Variants in ACAP1 observed in about 807,000 individuals in gnomAD.
The protein encoded by ACAP1 is ArfGAP with coiled-coil, ankyrin repeat and PH domains 1, also known as arf-GAP with coiled-coil, ANK repeat and PH domain-containing protein 1.
A neutral mutation model predicts 98.8 loss-of-function variants in ACAP1; 45 were observed. That is an observed-to-expected ratio of 0.46 (90% CI 0.36 to 0.58). ACAP1 has a LOEUF of 0.58. Among genes scored for constraint, ACAP1 ranks in the 20% least tolerant of loss-of-function variants. The pLI is 0.00. For missense variants in ACAP1, 735 were observed against 971.4 expected (o/e 0.76, Z 3.24); for synonymous variants, 362 against 375.3 (o/e 0.96, Z 0.41).
Position 7,343,912 on chromosome 17 carries a change from G to A in ACAP1, c.625G>A (p.Glu209Lys). The A allele has an allele frequency of 1.2e-6, 2 of 1,609,490 alleles. No individual in the cohort carries two copies. Among genetic ancestry groups the A allele is most frequent in the Non-Finnish European group, 1.7e-6 (2 of 1,177,724 alleles). Reference sequence around the variant, plus strand: ...TACCCATTTCCAGCAGGGCCATGAGGAGCTGAGCCGGCTGTCCCAGTATCG... The same window carrying A: ...TACCCATTTCCAGCAGGGCCATGAGAAGCTGAGCCGGCTGTCCCAGTATCG... ...QATHFQQGHE[E>K]LSRLSQYRKE... Residue 209 changes from glutamate (E) to lysine (K), a missense_variant, in exon 8 of 22, where the codon GAG becomes AAG. Physicochemically the swap from Glu to Lys is moderately conservative, Grantham distance 56. Coordinates refer to ENST00000158762, the MANE Select transcript of ACAP1 (RefSeq NM_014716.4). The surrounding 1 kb of genome is among the most constrained non-coding windows in gnomAD (Gnocchi z 4.9).
At chr17:7,342,093 G>T (rs1224828294) in intron 3 of ACAP1, 26 bp downstream of exon 3, 1 of 1,612,818 alleles carries the variant, frequency 6.2e-7, no homozygotes, top group East Asian at 2.2e-5. Flanking sequence ...GCATCTGGGA[G>T]GGAAGGGGTC....
Position 7,350,217 on chromosome 17 carries a change from C to T in ACAP1, c.2052C>T (p.Ala684=), listed in dbSNP as rs2073390258. 1 of 1,614,050 alleles carries T rather than the reference C, an allele frequency of 6.2e-7. No individual in the cohort carries two copies. The highest frequency in any genetic ancestry group is 1.1e-5 in the South Asian group (1 of 91,084). ...CTCTGACCATCGCCATGGAAACAGC[C>T]AACGCTGACATCGTCACCCTGTAAG... ...RDPLTIAMET[A]NADIVTLLRL... Residue 684 remains alanine, a synonymous_variant, in exon 20 of 22, where the codon GCC becomes GCT. Coordinates refer to ENST00000158762, the MANE Select transcript of ACAP1 (RefSeq NM_014716.4). The surrounding 1 kb of genome is among the most constrained non-coding windows in gnomAD (Gnocchi z 4.6).
rs1388168021 is a variant in ACAP1, at chr17:7,343,354, TTC to T, written c.345-23_345-22del. The T allele has an allele frequency of 1.3e-6, 2 of 1,598,538 alleles. No individual in the cohort carries two copies. Among genetic ancestry groups the T allele is most frequent in the Admixed American group, 3.4e-5 (2 of 58,526 alleles). On this transcript the variant is annotated intron_variant, in intron 5 of 21. Transcript: ENST00000158762. The surrounding 1 kb of genome is among the most constrained non-coding windows in gnomAD (Gnocchi z 4.9). ...TGGGGCAGGTGGGTGTTAGCTGCGA[TTC>T]TGTGTTATTTTCCCATCCTCAGAGG...
intron 18 of ACAP1, 110 bp from the exon 19 acceptor site, chr17:7,349,835 A>T (rs750657423): frequency 1.1e-6 from 1 of 882,968 alleles, no homozygotes; most frequent in Non-Finnish European, 1.8e-6. Context: ...CACACTCCTG[A>T]TTACCACACT....
rs2073310860 is a variant in ACAP1, at chr17:7,343,326, T to A, written c.345-53T>A. On this transcript the variant is annotated intron_variant, in intron 5 of 21. Transcript: ENST00000158762. The surrounding 1 kb of genome is among the most constrained non-coding windows in gnomAD (Gnocchi z 4.9). ...TGAGGGCTTTACCCTGGGAATGCTC[T>A]GCTGGGGCAGGTGGGTGTTAGCTGC... 1.3e-6 allele frequency: 2 copies of A among 1,556,790 alleles called. No homozygotes were observed. Among genetic ancestry groups the A allele is most frequent in the Admixed American group, 3.6e-5 (2 of 55,454 alleles).
Position 7,350,203 on chromosome 17 carries a change from G to A in ACAP1, c.2038G>A (p.Ala680Thr), listed in dbSNP as rs1372244168. ...DSEGRDPLTI[A>T]METANADIVT... Reference sequence around the variant, plus strand: ...TGAAGGCAGGGACCCTCTGACCATCGCCATGGAAACAGCCAACGCTGACAT... The same window carrying A: ...TGAAGGCAGGGACCCTCTGACCATCACCATGGAAACAGCCAACGCTGACAT... Residue 680 changes from alanine (A) to threonine (T), a missense_variant, in exon 20 of 22, where the codon GCC (alanine) becomes ACC (threonine). Ala to Thr is a moderately conservative substitution (Grantham distance 58). Coordinates refer to ENST00000158762, the MANE Select transcript of ACAP1 (RefSeq NM_014716.4). The surrounding 1 kb of genome is among the most constrained non-coding windows in gnomAD (Gnocchi z 4.6). 1 of 1,613,998 alleles carries A rather than the reference G, an allele frequency of 6.2e-7. No individual in the cohort carries two copies. The highest frequency in any genetic ancestry group is 1.3e-5 in the African/African-American group (1 of 74,910).
At position 7,350,365 on chromosome 17, in the gene ACAP1, G is replaced by A. The variant is rs1268730167; in HGVS notation, c.2072+128G>A. The A allele has an allele frequency of 2.6e-6, 2 of 763,926 alleles. No homozygotes were observed. The highest frequency in any genetic ancestry group is 5.4e-5 in the East Asian group (2 of 37,138). The allele number at this position is 763,926 out of a possible 1,614,324, so 47.3% of individuals were successfully genotyped here. On this transcript the variant is annotated intron_variant, in intron 20 of 21. Transcript: ENST00000158762. The surrounding 1 kb of genome is among the most constrained non-coding windows in gnomAD (Gnocchi z 4.6). ...TGCTGTGGGGCCTCGGAAAGGGGCT[G>A]GGCCAGCGCCGGGGCCAGGCTCGAG...
In ACAP1 at chr17:7,344,850, A is replaced by C. The variant is rs576374020; in HGVS notation, c.854+202A>C. Among the ~76,000 whole-genome samples the C allele has an allele frequency of 3.7e-4, 56 of 152,278 alleles. No homozygotes were observed. The highest frequency in any genetic ancestry group is 7.7e-4 in the East Asian group (4 of 5,190). On this transcript the variant is annotated intron_variant, in intron 10 of 21. Coordinates refer to ENST00000158762, the MANE Select transcript of ACAP1 (RefSeq NM_014716.4). The surrounding 1 kb of genome is among the most constrained non-coding windows in gnomAD (Gnocchi z 4.9). ...GGTGATAGTGCTTGCTATAGGAGAA[A>C]GATGATAAAGCAAGGGATGTGGGGA...
chr17:7,346,642 G>A (rs1425183409), intron 12 of ACAP1, 151 bp downstream of exon 12: 1 of 1,151,680 alleles, frequency 8.7e-7, no homozygotes, highest in Non-Finnish European at 1.2e-6. Context: ...GTGGAAGAGG[G>A]TACAGGGTGA....
intron 10 of ACAP1, chr17:7,345,974 A>G (rs1030094376): frequency 7.0e-6 from 3 of 429,652 alleles, no homozygotes; most frequent in Non-Finnish European, 1.3e-5. Context: ...AATTGTAGCA[A>G]TAGACATTTT....
At chr17:7,340,970 C>T (rs2073270403) in intron 2 of ACAP1, among the ~76,000 whole-genome samples, 1 of 152,116 alleles carries the variant, frequency 6.6e-6, no homozygotes, top group South Asian at 2.1e-4. Flanking sequence ...TCTGAGCCAC[C>T]TTGCCTGGCC....
intron 2 of ACAP1, among the ~76,000 whole-genome samples, chr17:7,339,206 C>A (rs949194127): frequency 6.6e-6 from 1 of 151,934 alleles, no homozygotes; most frequent in Non-Finnish European, 1.5e-5. Context: ...AGGAGAATGG[C>A]GCGAACCCGG....
chr17:7,338,649 C>T lies in ACAP1; in HGVS notation c.111+1280C>T, dbSNP rs192070163. ...TTCAATACTGGGCTCAAGTGATCCT[C>T]CCTCCTCAACCTCCCCAGTAGCTGT... On this transcript the variant is annotated intron_variant, in intron 2 of 21. Transcript: ENST00000158762. Among the ~76,000 whole-genome samples the T allele has an allele frequency of 1.0e-3, 156 of 152,108 alleles. 1 individual carries two copies. Among genetic ancestry groups the T allele is most frequent in the African/African-American group, 3.5e-3 (146 of 41,518 alleles).
At position 7,348,292 on chromosome 17, in the gene ACAP1, CT is replaced by C. The variant is rs2073367147; in HGVS notation, c.1509-13del. On this transcript the variant is annotated splice_polypyrimidine_tract_variant and intron_variant, in intron 16 of 21. Transcript: ENST00000158762. ...GCAGAAGAGGGAAGACTGCGTGCTT[CT>C]CCCCTCCCACAGGCAGGAGAAGGAG... 1.3e-5 allele frequency: 20 copies of C among 1,593,354 alleles called. No individual in the cohort carries two copies. The highest frequency in any genetic ancestry group is 1.7e-4 in the Middle Eastern group (1 of 5,982).
At chr17:7,342,595 C>A in intron 5 of ACAP1, 121 bp downstream of exon 5, 1 of 1,156,032 alleles carries the variant, frequency 8.7e-7, no homozygotes, top group Non-Finnish European at 1.3e-6. Context: ...GCGAAACTGT[C>A]TCCACAAAAA....
At chr17:7,339,481 G>A (rs538659071) in intron 2 of ACAP1, among the ~76,000 whole-genome samples, 17 of 151,888 alleles carry the variant, frequency 1.1e-4, no homozygotes, top group Admixed American at 1.0e-3. Context: ...GTGGTGGCAC[G>A]CACCTGTAAT....
At chr17:7,342,609 C>A (rs2073297596) in intron 5 of ACAP1, 135 bp downstream of exon 5, 2 of 1,051,554 alleles carry the variant, frequency 1.9e-6, no homozygotes, top group Admixed American at 4.3e-5. Context: ...ACAAAAAATA[C>A]AAAAATTAGG....
At chr17:7,340,684 A>C (rs2073267042) in intron 2 of ACAP1, among the ~76,000 whole-genome samples, 1 of 152,154 alleles carries the variant, frequency 6.6e-6, no homozygotes, top group Non-Finnish European at 1.5e-5. Context: ...GTCTCTACTA[A>C]AAATACAAAA....
chr17:7,341,038 G>A (rs1309258462), intron 2 of ACAP1, among the ~76,000 whole-genome samples: 2 of 152,020 alleles, frequency 1.3e-5, no homozygotes, highest in African/African-American at 2.4e-5. Flanking sequence ...GGAGTACCCC[G>A]GCATTTCCTC....
Sources: allele counts gnomAD v4.1 joint callset (sites outside exome capture counted in the v4.1 genomes callset), GRCh38; gene constraint gnomAD v4.1.1; non-coding constraint Gnocchi (gnomAD v3.1); transcripts MANE v1.5; gene names NCBI Gene and HGNC (gene_info 2026-07-23, HGNC 2026-07-21).